The following GET1 variants were observed in gnomAD, a reference collection of about 807,000 sequenced individuals.
GET1 encodes the protein guided entry of tail-anchored proteins factor 1, also known as congenital heart disease 5 protein.
GET1 carries 20 observed loss-of-function variants against 22.6 expected under a neutral mutation model. That is an observed-to-expected ratio of 0.89 (90% CI 0.62 to 1.29). The LOEUF (loss-of-function observed/expected upper bound fraction) is 1.29. GET1 is among the 50% of genes most tolerant of loss of function. The pLI is 0.00. For synonymous variants in GET1, 92 were observed against 83.8 expected, an observed-to-expected ratio of 1.10 and a Z score of -0.53; for missense variants, 209 against 219.9, an observed-to-expected ratio of 0.95 and a Z score of 0.31.
At chr21:39,410,795 A>T (rs923926537), downstream of GET1, 1 of 469,808 alleles carries the variant, frequency 2.1e-6, no homozygotes, top group East Asian at 6.9e-5. Context: ...GAAGGAAATT[A>T]TATCATTTAA....
chr21:39,387,040 G>C (rs1359565841), intron 1 of GET1, among the ~76,000 whole-genome samples: 1 of 151,970 alleles, frequency 6.6e-6, no homozygotes, highest in African/African-American at 2.4e-5. Context: ...TTAATTTTTT[G>C]GTAGAGATTG....
chr21:39,423,328 T>C (rs2147736697), intron 1 of GET1: 6 of 1,613,000 alleles, frequency 3.7e-6, no homozygotes, highest in East Asian at 4.5e-5. Flanking sequence ...CAATTTATGA[T>C]GCATATCAGC....
intron 4 of GET1, among the ~76,000 whole-genome samples, chr21:39,403,549 T>TCTC (rs572092928): frequency 0.39 from 59,084 of 151,246 alleles, 12,624 homozygotes; most frequent in African/African-American, 0.57. Flanking sequence ...ATGGTCTCGA[T>TCTC]CTGACTTCAT....
At chr21:39,422,227 A>G (rs2073894220) in intron 1 of GET1, 1 of 152,250 alleles carries the variant, frequency 6.6e-6, no homozygotes, top group South Asian at 2.1e-4. Context: ...AGCATCAAAT[A>G]TTACAGAATT....
chr21:39,392,677 C>A (rs1416053901), intron 3 of GET1, among the ~76,000 whole-genome samples: 1 of 152,168 alleles, frequency 6.6e-6, no homozygotes, highest in Non-Finnish European at 1.5e-5. Flanking sequence ...CAGGGCTCAC[C>A]TCTGCGTCCC....
chr21:39,423,304 G>C (rs2074062688), intron 1 of GET1: 1 of 1,610,386 alleles, frequency 6.2e-7, no homozygotes, highest in African/African-American at 1.3e-5. Context: ...TTGGTTTTCT[G>C]TAAGGATGGC....
intron 4 of GET1, among the ~76,000 whole-genome samples, chr21:39,394,453 T>A (rs562855106): frequency 6.6e-6 from 1 of 152,366 alleles, no homozygotes; most frequent in South Asian, 2.1e-4. Context: ...ATGTTGTGCC[T>A]CCTTTTTACT....
At chr21:39,400,205 C>T (rs910556258), downstream of GET1, among the ~76,000 whole-genome samples, 1 of 152,122 alleles carries the variant, frequency 6.6e-6, no homozygotes, top group Non-Finnish European at 1.5e-5. Context: ...GACAGCCCCC[C>T]GGAACCGGAG....
At chr21:39,397,991 G>C (rs2038740843), downstream of GET1, 1 of 152,140 alleles carries the variant, frequency 6.6e-6, no homozygotes, top group Non-Finnish European at 1.5e-5. Context: ...AAAGTGCTGT[G>C]GTCCTTTATT....
intron 1 of GET1, among the ~76,000 whole-genome samples, chr21:39,383,107 C>CG (rs1286969339): frequency 1.3e-5 from 2 of 150,334 alleles, no homozygotes; most frequent in Non-Finnish European, 3.0e-5. Context: ...CCCACCACCA[C>CG]CACAACCGGC....
chr21:39,426,081 CTTT>C (rs1010369424), intron 1 of GET1: 5 of 152,200 alleles, frequency 3.3e-5, no homozygotes, highest in African/African-American at 9.7e-5. Flanking sequence ...CAGTATTCTT[CTTT>C]GTGTGAGGCC....
At chr21:39,421,740 A>G (rs753936066) in intron 1 of GET1, 21 of 152,292 alleles carry the variant, frequency 1.4e-4, no homozygotes, top group Non-Finnish European at 2.2e-4. Flanking sequence ...CTACAAGGGG[A>G]AAGAATCACT....
At chr21:39,422,700 T>A (rs901671820) in intron 1 of GET1, 2 of 521,350 alleles carry the variant, frequency 3.8e-6, no homozygotes, top group Non-Finnish European at 6.7e-6. Flanking sequence ...CTGTGCTCTC[T>A]TAGAGAATGG....
chr21:39,418,298 T>C (rs1166779357), intron 1 of GET1, among the ~76,000 whole-genome samples: 1 of 152,150 alleles, frequency 6.6e-6, no homozygotes, highest in Non-Finnish European at 1.5e-5. Flanking sequence ...TACCAGTGTA[T>C]CCTAGAGATT....
downstream of GET1, chr21:39,406,779 TAAC>T (rs1381332899): frequency 1.8e-6 from 1 of 561,226 alleles, no homozygotes; most frequent in African/African-American, 1.9e-5. Flanking sequence ...AAGGTGCTAT[TAAC>T]AAATGTGTTA....
At position 39,386,993 on chromosome 21, in the gene GET1, C is replaced by T. The variant is rs530592980; in HGVS notation, c.103-3705C>T. On this transcript the variant is annotated intron_variant, in intron 1 of 4. Coordinates refer to ENST00000649170, the MANE Select transcript of GET1 (RefSeq NM_004627.6). ...AGCCTCCTGAGTAGCTGGGGCCACA[C>T]GGACCACAGGCGTGCACCACCACAC... 3.9e-5 allele frequency among the ~76,000 whole-genome samples: 6 copies of T among 152,098 alleles called. No homozygotes were observed. The East Asian group carries it at 9.7e-4, about 25-fold the overall frequency.
chr21:39,391,883 G>C (rs765874984), intron 3 of GET1, 47 bp downstream of exon 3: 2 of 1,594,574 alleles, frequency 1.3e-6, no homozygotes, highest in South Asian at 2.2e-5. Context: ...TGGTGACCCC[G>C]GCCTCCAGAG....
At chr21:39,398,065 G>A (rs1055322946), downstream of GET1, among the ~76,000 whole-genome samples, 1 of 152,138 alleles carries the variant, frequency 6.6e-6, no homozygotes, top group Non-Finnish European at 1.5e-5. Context: ...ACACATGCAC[G>A]CAGGCTTACC....
chr21:39,424,129 C>A (rs2074230531), intron 1 of GET1, among the ~76,000 whole-genome samples: 1 of 152,100 alleles, frequency 6.6e-6, no homozygotes, highest in Non-Finnish European at 1.5e-5. Flanking sequence ...TCTCCTGCCT[C>A]AGCCTCCCGA....
Sources: allele counts gnomAD v4.1 joint callset (sites outside exome capture counted in the v4.1 genomes callset), GRCh38; gene constraint gnomAD v4.1.1; transcripts MANE v1.5; gene names NCBI Gene and HGNC (gene_info 2026-07-23, HGNC 2026-07-21).